The following NBPF3 variants were observed in gnomAD, a reference collection of about 807,000 sequenced individuals.
NBPF3 encodes NBPF family member NBPF3.
In NBPF3, 57 loss-of-function variants were observed where a neutral mutation model predicts 78.1. The observed-to-expected ratio is 0.73, with a 90% CI of 0.59 to 0.91. The LOEUF (loss-of-function observed/expected upper bound fraction) is 0.91. Ranked by LOEUF, NBPF3 falls within the 40% of genes least tolerant of loss-of-function variation. The pLI is 0.00. For synonymous variants in NBPF3, 182 were observed against 271.7 expected (o/e 0.67, Z 3.25); for missense variants, 510 against 715.3 (o/e 0.71, Z 3.27).
In NBPF3 at chr1:21,476,770, C is replaced by T. The variant is rs56217156; in HGVS notation, c.993-1374C>T. On this transcript the variant is annotated intron_variant, in intron 8 of 14. Transcript: ENST00000318249. The surrounding 1 kb of genome is among the most constrained non-coding windows in gnomAD (Gnocchi z 4.1). ...TTATGTGTCTTGGAGTTGCTCTTCT[C>T]GAGGAGTATCTTTGTGGTGTTCTCT... Among the ~76,000 whole-genome samples, 933 of 152,208 alleles carry T rather than the reference C, an allele frequency of 6.1e-3. 5 individuals are homozygous for T. The highest frequency in any genetic ancestry group is 9.4e-3 in the Non-Finnish European group (642 of 68,002).
At chr1:21,483,068 C>T (rs1643307878) in intron 14 of NBPF3, 75 bp from the exon 15 acceptor site, 1 of 1,600,828 alleles carries the variant, frequency 6.2e-7, no homozygotes. Context: ...CCTTATGTTA[C>T]CCCTGAAATC....
At position 21,484,840 on chromosome 1, in the gene NBPF3, T is replaced by C. The variant is rs1316698216; in HGVS notation, c.*1454T>C. On this transcript the variant is annotated 3_prime_UTR_variant, in exon 15 of 15. Transcript: ENST00000318249. ...TGTTGAAAAAAAAACATTCTCTGCC[T>C]GAGTTTTAATTTTTGTCCAAAGTTA... 3.6e-5 allele frequency: 2 copies of C among 56,150 alleles called. 1 individual carries two copies. Among genetic ancestry groups the C allele is most frequent in the African/African-American group, 9.4e-5 (2 of 21,336 alleles). 3.5% of individuals were successfully genotyped at this position (56,150 alleles called of 1,614,324 possible).
At chr1:21,461,003 C>T (rs559178059) in intron 2 of NBPF3, among the ~76,000 whole-genome samples, 13 of 152,150 alleles carry the variant, frequency 8.5e-5, no homozygotes, top group Non-Finnish European at 1.6e-4. Flanking sequence ...TCTTACTGAA[C>T]ATTAGGCATG....
chr1:21,462,377 T>C lies in NBPF3; in HGVS notation c.134-6311T>C, dbSNP rs184603294. Among the ~76,000 whole-genome samples, 305 of 152,278 alleles carry C rather than the reference T, an allele frequency of 2.0e-3. No individual in the cohort carries two copies. In the Middle Eastern group the frequency reaches 0.031, roughly 15 times the overall value. ...CTGGGTGTTACTTTACAATTATAAT[T>C]ATATTAAAATTTATTAAGCTGTGCC... On this transcript the variant is annotated intron_variant, in intron 2 of 14. Transcript: ENST00000318249.
At chr1:21,469,455 G>A (rs1277007451) in intron 3 of NBPF3, among the ~76,000 whole-genome samples, 3 of 152,268 alleles carry the variant, frequency 2.0e-5, no homozygotes, top group Non-Finnish European at 2.9e-5. Flanking sequence ...GGCCGTGCAC[G>A]GTGGCTCACT....
intron 2 of NBPF3, among the ~76,000 whole-genome samples, chr1:21,455,713 G>A (rs547714636): frequency 1.3e-5 from 2 of 152,328 alleles, no homozygotes; most frequent in South Asian, 4.1e-4. Flanking sequence ...GCACCAATGA[G>A]GAGACAGCTG....
At position 21,470,749 on chromosome 1, in the gene NBPF3, TG is replaced by T; in HGVS notation, c.446+19del. 1 of 1,573,898 alleles carries T rather than the reference TG, an allele frequency of 6.4e-7. No individual in the cohort carries two copies. The highest frequency in any genetic ancestry group is 8.7e-7 in the Non-Finnish European group (1 of 1,149,554). ...GAGGAGCTCAGGTGAGTGGGCCCCC[TG>T]GGGTCAGGCAGGTGGGCAGGTGTGT... is the stretch of plus-strand genomic sequence containing the variant. On this transcript the variant is annotated intron_variant, in intron 4 of 14. Transcript: ENST00000318249.
At chr1:21,466,910 G>A (rs7538409) in intron 2 of NBPF3, 1 of 870,018 alleles carries the variant, frequency 1.1e-6, no homozygotes, top group South Asian at 5.3e-5. Context: ...GTGAACAACT[G>A]GTAAATAATT....
upstream of NBPF3, chr1:21,437,281 G>C (rs1414894232): frequency 1.3e-5 from 5 of 395,746 alleles, no homozygotes; most frequent in Non-Finnish European, 2.3e-5. Context: ...CCCAGGAGAG[G>C]AGTGTGCCTG....
chr1:21,445,152 C>A lies in NBPF3; in HGVS notation c.66C>A (p.Ser22=), dbSNP rs1347819439. ...TCCGAGGCCCTGATGTAGAAACTTC[C>A]CCATTCGGTGCACCAAGAGCAGCCT... is the stretch of plus-strand genomic sequence containing the variant. ...WTLRGPDVET[S]PFGAPRAASH... Residue 22 remains serine, a synonymous_variant, in exon 2 of 15, where the codon TCC becomes TCA. Coordinates refer to ENST00000318249, the MANE Select transcript of NBPF3 (RefSeq NM_032264.6). The A allele has an allele frequency of 4.3e-6, 7 of 1,611,830 alleles. No homozygotes were observed. In the African/African-American group the frequency reaches 8.0e-5, roughly 18 times the overall value.
At chr1:21,470,852 G>T in intron 4 of NBPF3, 118 bp downstream of exon 4, 2 of 617,918 alleles carry the variant, frequency 3.2e-6, no homozygotes, top group East Asian at 6.1e-5. Context: ...GAATTGCCAT[G>T]GCAGGCTCAC....
At position 21,470,740 on chromosome 1, in the gene NBPF3, T is replaced by C. The variant is rs1349599549; in HGVS notation, c.446+6T>C. ...GGGCAAGCTGAGGAGCTCAGGTGAG[T>C]GGGCCCCCTGGGGTCAGGCAGGTGG... On this transcript the variant is annotated splice_donor_region_variant and intron_variant, in intron 4 of 14. Transcript: ENST00000318249. The C allele has an allele frequency of 6.3e-7, 1 of 1,588,140 alleles. No individual in the cohort carries two copies. The highest frequency in any genetic ancestry group is 1.7e-5 in the Admixed American group (1 of 59,216).
chr1:21,452,306 C>T (rs1231454186), intron 2 of NBPF3, among the ~76,000 whole-genome samples: 1 of 152,092 alleles, frequency 6.6e-6, no homozygotes, highest in Non-Finnish European at 1.5e-5. Flanking sequence ...GTTCAGCAAC[C>T]CAAGAGTGTC....
Position 21,445,231 on chromosome 1 carries a change from G to A in NBPF3, c.133+12G>A, listed in dbSNP as rs763748685. The A allele has an allele frequency of 6.2e-6, 10 of 1,610,522 alleles. No homozygotes were observed. The highest frequency in any genetic ancestry group is 5.0e-5 in the Admixed American group (3 of 59,930). Reference sequence around the variant, plus strand: ...GCGAGATCCAACAGGTAAAAATCCCGAGGCATTGCCAGCTCGGTGGGGTCA... The same window carrying A: ...GCGAGATCCAACAGGTAAAAATCCCAAGGCATTGCCAGCTCGGTGGGGTCA... On this transcript the variant is annotated intron_variant, in intron 2 of 14. Transcript: ENST00000318249.
chr1:21,467,236 T>G (rs1187362239), intron 2 of NBPF3: 13 of 985,304 alleles, frequency 1.3e-5, no homozygotes, highest in Non-Finnish European at 1.6e-5. Flanking sequence ...ATGGGATTGA[T>G]CCAGTCCTCC....
chr1:21,478,400 A>G, intron 9 of NBPF3, 93 bp downstream of exon 9: 1 of 1,371,874 alleles, frequency 7.3e-7, no homozygotes, highest in Non-Finnish European at 1.0e-6. Context: ...TTGGGCTGAG[A>G]GTTGCCATCA....
intron 2 of NBPF3, among the ~76,000 whole-genome samples, chr1:21,455,222 G>A (rs1036409430): frequency 6.6e-6 from 1 of 152,314 alleles, no homozygotes; most frequent in South Asian, 2.1e-4. Context: ...CAGATAATCT[G>A]TCTATCTTAA....
intron 9 of NBPF3, among the ~76,000 whole-genome samples, chr1:21,479,067 T>A (rs1162780392): frequency 1.3e-5 from 2 of 152,220 alleles, no homozygotes; most frequent in Non-Finnish European, 2.9e-5. Flanking sequence ...TTGCCTCAAA[T>A]CTATTGGGAA....
In NBPF3 at chr1:21,481,392, GT is replaced by G. The variant is rs1643218408; in HGVS notation, c.1434-204del. 6.3e-4 allele frequency among the ~76,000 whole-genome samples: 15 copies of G among 23,862 alleles called. No individual in the cohort carries two copies. In the South Asian group the frequency reaches 0.043, roughly 69 times the overall value. The allele number at this position is 23,862 out of a possible 152,430, so 15.7% of individuals were successfully genotyped here. On this transcript the variant is annotated intron_variant, in intron 12 of 14. Transcript: ENST00000318249. ...GCTCACTCTCTCTCTCTCTGCCTCT[GT>G]CTCTCTGTCTCTCTGTCTTTCTCTT...
Sources: gnomAD v4.1 joint callset for allele counts (sites outside exome capture counted in the v4.1 genomes callset) on GRCh38, gnomAD v4.1.1 for gene constraint, Gnocchi (gnomAD v3.1) non-coding constraint, MANE v1.5 for transcripts, NCBI Gene and HGNC (gene_info 2026-07-23, HGNC 2026-07-21) for gene names.